ZNF410: variants seen among roughly 807,000 people sequenced by gnomAD.
ZNF410 encodes zinc finger protein 410.
In ZNF410, 18 loss-of-function variants were observed where a neutral mutation model predicts 54.8. That is an observed-to-expected ratio of 0.33 (90% CI 0.23 to 0.49). The LOEUF is 0.49. ZNF410 is among the 20% of genes least tolerant of loss of function. ZNF410 has a pLI of 0.99. For missense variants in ZNF410, 405 were observed against 569.6 expected (o/e 0.71, Z 2.94); for synonymous variants, 191 against 207.3 (o/e 0.92, Z 0.68).
rs1409079327 is a variant in ZNF410, at chr14:73,905,964, C to CATATAT, written c.913+882_913+883insTATATA. On this transcript the variant is annotated intron_variant, in intron 7 of 11. Transcript: ENST00000555044. ...ATATATACACACACACACACACACA[C>CATATAT]ACACATATATATATATATATATATA... Among the ~76,000 whole-genome samples the CATATAT allele has an allele frequency of 7.0e-5, 7 of 100,642 alleles. No homozygotes were observed. In the East Asian group the frequency reaches 2.8e-3, roughly 40 times the overall value. 66.0% of individuals were successfully genotyped at this position (100,642 alleles called of 152,430 possible). A position where few individuals can be genotyped will look rare whatever the true frequency, so the allele number is the denominator to read the frequency against.
chr14:73,931,354 C>T (rs2055911611), intron 11 of ZNF410, 149 bp from the exon 12 acceptor site: 1 of 616,798 alleles, frequency 1.6e-6, no homozygotes, highest in Admixed American at 3.1e-5. Context: ...ATCTATCAGT[C>T]CGTGCATGTG....
chr14:73,897,787 C>T (rs2055342650), intron 4 of ZNF410, among the ~76,000 whole-genome samples: 1 of 152,038 alleles, frequency 6.6e-6, no homozygotes, highest in African/African-American at 2.4e-5. Flanking sequence ...GCCTGACCAA[C>T]ATGGTGAAAC....
chr14:73,894,602 T>A (rs1207647396), intron 3 of ZNF410, among the ~76,000 whole-genome samples: 2 of 152,012 alleles, frequency 1.3e-5, no homozygotes, highest in Admixed American at 6.6e-5. Context: ...AATTTTTGCA[T>A]TTTTAGTAGA....
chr14:73,897,574 A>G (rs2055338234), intron 4 of ZNF410, among the ~76,000 whole-genome samples: 1 of 152,180 alleles, frequency 6.6e-6, no homozygotes, highest in Non-Finnish European at 1.5e-5. Flanking sequence ...CAGAGGAGGC[A>G]AGGTAATGAC....
At chr14:73,910,182 T>C (rs981063237) in intron 8 of ZNF410, among the ~76,000 whole-genome samples, 1 of 152,192 alleles carries the variant, frequency 6.6e-6, no homozygotes, top group African/African-American at 2.4e-5. Context: ...AAGGAGAGTT[T>C]GTGGAGCCTA....
intron 7 of ZNF410, among the ~76,000 whole-genome samples, chr14:73,905,864 T>C (rs1277372108): frequency 1.3e-5 from 2 of 150,958 alleles, no homozygotes; most frequent in Non-Finnish European, 2.9e-5. Flanking sequence ...ATATAAGGCA[T>C]ATATAAAATA....
intron 5 of ZNF410, among the ~76,000 whole-genome samples, chr14:73,899,994 G>A (rs2055380492): frequency 6.6e-6 from 1 of 151,952 alleles, no homozygotes; most frequent in South Asian, 2.1e-4. Flanking sequence ...TCAGGAATTC[G>A]AGACCAGCCT....
chr14:73,931,172 T>G (rs117784344), intron 11 of ZNF410, among the ~76,000 whole-genome samples: 458 of 152,334 alleles, frequency 3.0e-3, no homozygotes, highest in Non-Finnish European at 4.7e-3. Flanking sequence ...TATAAGATTT[T>G]GGTTCCACCA....
intron 7 of ZNF410, 114 bp from the exon 8 acceptor site, chr14:73,909,227 A>T: frequency 1.2e-6 from 1 of 850,494 alleles, no homozygotes; most frequent in Non-Finnish European, 1.9e-6. Context: ...AACATGAATT[A>T]AATAAATCAG....
chr14:73,922,490 C>T (rs899527670), intron 10 of ZNF410: 6 of 210,322 alleles, frequency 2.9e-5, no homozygotes, highest in Admixed American at 1.1e-4. Flanking sequence ...TTTCCTATTG[C>T]AGTTATGGAA....
At chr14:73,924,191 T>C (rs566609237) in intron 11 of ZNF410, among the ~76,000 whole-genome samples, 1 of 152,236 alleles carries the variant, frequency 6.6e-6, no homozygotes, top group South Asian at 2.1e-4. Flanking sequence ...TCACCTCAGG[T>C]CATCAGGCAT....
chr14:73,893,762 C>T (rs761117005), intron 2 of ZNF410, 35 bp from the exon 3 acceptor site: 1 of 1,575,826 alleles, frequency 6.3e-7, no homozygotes. Flanking sequence ...TTTCTAACAA[C>T]TCGTATTTCT....
chr14:73,931,464 AC>A, intron 11 of ZNF410, 38 bp from the exon 12 acceptor site: 1 of 1,569,000 alleles, frequency 6.4e-7, no homozygotes, highest in Non-Finnish European at 8.8e-7. Flanking sequence ...CTATAATTCA[AC>A]TGTAACCTAT....
Position 73,931,844 on chromosome 14 carries a change from T to C in ZNF410, c.*303T>C, listed in dbSNP as rs1205263030. The C allele has an allele frequency of 1.6e-5, 7 of 437,372 alleles. No homozygotes were observed. Among genetic ancestry groups the C allele is most frequent in the Admixed American group, 1.2e-4 (4 of 33,122 alleles). The allele number at this position is 437,372 out of a possible 1,614,324, so 27.1% of individuals were successfully genotyped here. A position where few individuals can be genotyped will look rare whatever the true frequency, so the allele number is the denominator to read the frequency against. ...GAATTTGATTATGTGTTGGCTGAAG[T>C]TCTTCATTCTGACTGTTGAGGGGAG... is the stretch of plus-strand genomic sequence containing the variant. On this transcript the variant is annotated 3_prime_UTR_variant, in exon 12 of 12. Coordinates refer to ENST00000555044, the MANE Select transcript of ZNF410 (RefSeq NM_021188.3).
chr14:73,895,705 C>G (rs1400644818), intron 3 of ZNF410, among the ~76,000 whole-genome samples: 1 of 152,170 alleles, frequency 6.6e-6, no homozygotes, highest in African/African-American at 2.4e-5. Context: ...TGGCTCATGC[C>G]TATAATCCCA....
At chr14:73,911,964 GT>G (rs2140313107) in intron 8 of ZNF410, among the ~76,000 whole-genome samples, 1 of 151,958 alleles carries the variant, frequency 6.6e-6, no homozygotes, top group South Asian at 2.1e-4. Context: ...CATTTAACTT[GT>G]TTCTCTACGT....
chr14:73,909,553 C>G (rs1424420425), intron 8 of ZNF410, 123 bp downstream of exon 8: 1 of 732,260 alleles, frequency 1.4e-6, no homozygotes, highest in Non-Finnish European at 2.2e-6. Context: ...TAGAAAGCTT[C>G]TCATCATCAT....
chr14:73,926,521 C>A (rs1409743357), intron 11 of ZNF410, among the ~76,000 whole-genome samples: 1 of 152,038 alleles, frequency 6.6e-6, no homozygotes, highest in Non-Finnish European at 1.5e-5. Context: ...GCAACCTCTG[C>A]CTCCCAGGTT....
rs548550504 is a variant in ZNF410 at position 73,891,971 on chromosome 14, C to A, written c.-149-56C>A. On this transcript the variant is annotated intron_variant, in intron 1 of 11. Transcript: ENST00000555044. ...ATATGTAAAGAAGTGTCTTTATGTA[C>A]CTGTGTTTTCCCACTGCTCTTAATG... 21 of 688,970 alleles carry A rather than the reference C, an allele frequency of 3.0e-5. No homozygotes were observed. In the East Asian group the frequency reaches 3.6e-4, roughly 12 times the overall value. The allele number at this position is 688,970 out of a possible 1,614,324, so 42.7% of individuals were successfully genotyped here.
Sources: allele counts gnomAD v4.1 joint callset (sites outside exome capture counted in the v4.1 genomes callset), GRCh38; gene constraint gnomAD v4.1.1; transcripts MANE v1.5; gene names NCBI Gene and HGNC (gene_info 2026-07-23, HGNC 2026-07-21).